Variants in RAPGEF5 observed in about 807,000 individuals in gnomAD.
RAPGEF5 encodes Rap guanine nucleotide exchange factor 5.
RAPGEF5 carries 65 observed loss-of-function variants against 125.2 expected under a neutral mutation model. The ratio of observed to expected loss-of-function variants is 0.52; its 90% CI spans 0.43 to 0.64. The LOEUF (loss-of-function observed/expected upper bound fraction) is 0.64. Ranked by LOEUF, RAPGEF5 falls within the 30% of genes least tolerant of loss-of-function variation. RAPGEF5 has a pLI of 0.00. For missense variants in RAPGEF5, 958 were observed against 1,048.1 expected, an observed-to-expected ratio of 0.91 and a Z score of 1.19; for synonymous variants, 391 against 385.9, an observed-to-expected ratio of 1.01 and a Z score of -0.16.
chr7:22,318,014 A>T lies in RAPGEF5; in HGVS notation c.255T>A (p.Asn85Lys). ...GGRTLSRRIS[N>K]PYLEHTPSQI... ...GGGAAGGCGTATGTTCAAGGTACGG[A>T]TTAGATATTCTTCTTGATAGAGTCT... is the stretch of plus-strand genomic sequence containing the variant. Residue 85 changes from asparagine to lysine, a missense_variant, in exon 2 of 26, where the codon AAT (asparagine) becomes AAA (lysine). By Grantham distance (94) the Asn-to-Lys change is moderately conservative. Transcript: ENST00000665637. The T allele has an allele frequency of 6.5e-7, 1 of 1,545,822 alleles. No homozygotes were observed. Among genetic ancestry groups the T allele is most frequent in the Non-Finnish European group, 8.7e-7 (1 of 1,145,670 alleles).
At chr7:22,140,890 C>T (rs1046871445) in intron 20 of RAPGEF5, among the ~76,000 whole-genome samples, 5 of 152,144 alleles carry the variant, frequency 3.3e-5, no homozygotes, top group African/African-American at 1.2e-4. Flanking sequence ...TAGAAAACAA[C>T]CTCTCTGAGA....
intron 7 of RAPGEF5, among the ~76,000 whole-genome samples, chr7:22,248,131 A>AT (rs965950010): frequency 2.7e-4 from 41 of 152,046 alleles, no homozygotes; most frequent in African/African-American, 9.4e-4. Context: ...TAAAGTTGAA[A>AT]TTTTTTTTTA....
intron 25 of RAPGEF5, among the ~76,000 whole-genome samples, chr7:22,124,958 T>C (rs560757198): frequency 6.6e-6 from 1 of 152,326 alleles, no homozygotes; most frequent in East Asian, 1.9e-4. Context: ...TGAAAGCTCC[T>C]TCAACTCAAT....
rs1298751601 is a variant in RAPGEF5 at position 22,118,668 on chromosome 7, C to T, written c.*3738G>A. 2.0e-5 allele frequency: 3 copies of T among 152,562 alleles called. No individual in the cohort carries two copies. The highest frequency in any genetic ancestry group is 4.4e-5 in the Non-Finnish European group (3 of 68,032). 9.5% of individuals were successfully genotyped at this position (152,562 alleles called of 1,614,324 possible). A position where few individuals can be genotyped will look rare whatever the true frequency, so the allele number is the denominator to read the frequency against. On this transcript the variant is annotated 3_prime_UTR_variant, in exon 26 of 26. Coordinates refer to ENST00000665637, the MANE Select transcript of RAPGEF5 (RefSeq NM_012294.5). ...GTTCTCTATCTTCTAATTGTTAATG[C>T]AAGCTGACAATATCACAGCAGCCCT...
chr7:22,318,137 TG>T, intron 1 of RAPGEF5, 100 bp from the exon 2 acceptor site: 36 of 1,068,600 alleles, frequency 3.4e-5, no homozygotes, highest in South Asian at 4.5e-5. Context: ...GCCTCTGCTA[TG>T]AAAAAAAAAA....
intron 1 of RAPGEF5, among the ~76,000 whole-genome samples, chr7:22,341,311 C>G (rs1167013742): frequency 6.6e-6 from 1 of 152,178 alleles, no homozygotes; most frequent in East Asian, 1.9e-4. Flanking sequence ...CAGGAAAGAT[C>G]TGCCCTGTGA....
chr7:22,285,147 C>T (rs963051064), intron 6 of RAPGEF5, among the ~76,000 whole-genome samples: 2 of 152,284 alleles, frequency 1.3e-5, no homozygotes, highest in Middle Eastern at 3.4e-3. Flanking sequence ...CCGGGAGCCG[C>T]GGCTCACAGC....
chr7:22,270,869 G>C (rs1469517795), intron 6 of RAPGEF5, among the ~76,000 whole-genome samples: 1 of 152,174 alleles, frequency 6.6e-6, no homozygotes, highest in African/African-American at 2.4e-5. Context: ...AGGAAGACTA[G>C]AAAAAGCCTA....
chr7:22,289,923 C>G (rs1034646795), intron 6 of RAPGEF5, among the ~76,000 whole-genome samples: 4 of 152,168 alleles, frequency 2.6e-5, no homozygotes, highest in African/African-American at 9.7e-5. Context: ...GCAAGACGTA[C>G]CTGGTTCCCC....
At chr7:22,277,712 T>C (rs936747007) in intron 6 of RAPGEF5, among the ~76,000 whole-genome samples, 8 of 152,300 alleles carry the variant, frequency 5.3e-5, no homozygotes, top group Non-Finnish European at 1.2e-4. Flanking sequence ...TTCTGGTTTT[T>C]GCACATGGGC....
intron 1 of RAPGEF5, among the ~76,000 whole-genome samples, chr7:22,334,090 C>T (rs1448100016): frequency 6.6e-5 from 10 of 152,242 alleles, no homozygotes; most frequent in Non-Finnish European, 1.2e-4. Flanking sequence ...CTGCCTACAG[C>T]GCCCCGAGTG....
intron 5 of RAPGEF5, among the ~76,000 whole-genome samples, chr7:22,299,364 G>C (rs1031236081): frequency 1.4e-4 from 21 of 151,940 alleles, no homozygotes; most frequent in African/African-American, 5.1e-4. Flanking sequence ...TTTCCAAATA[G>C]TAGATTTTAC....
chr7:22,340,184 C>G (rs1329023270), intron 1 of RAPGEF5, among the ~76,000 whole-genome samples: 1 of 152,104 alleles, frequency 6.6e-6, no homozygotes. Context: ...GATGAAGAAA[C>G]AGGAGTGCTG....
intron 6 of RAPGEF5, among the ~76,000 whole-genome samples, chr7:22,278,697 C>T (rs1782611197): frequency 6.7e-6 from 1 of 150,042 alleles, no homozygotes; most frequent in Admixed American, 6.7e-5. Context: ...CACAGAATTG[C>T]AGGCCAGAAA....
rs1234724313 is a variant in RAPGEF5, at chr7:22,154,573, G to A, written c.1668C>T (p.Ser556=). The A allele has an allele frequency of 1.1e-5, 17 of 1,613,666 alleles. No homozygotes were observed. Among genetic ancestry groups the A allele is most frequent in the African/African-American group, 5.3e-5 (4 of 74,902 alleles). ...IFCHVYITEH[S]YVSVKAKVSS... ...AAACTTTTGCCTTCACACTGACATA[G>A]GAGTGCTCTGTTATATACACGTGGC... The change falls in exon 17 of 26, where the codon TCC becomes TCT. Residue 556 remains serine (S), a synonymous_variant. Transcript: ENST00000665637.
chr7:22,188,122 G>A (rs532819245), intron 11 of RAPGEF5, among the ~76,000 whole-genome samples: 3 of 152,196 alleles, frequency 2.0e-5, no homozygotes, highest in Non-Finnish European at 2.9e-5. Context: ...AAGACTTACC[G>A]CCATCTAAAT....
chr7:22,317,234 T>A (rs993992557), intron 2 of RAPGEF5, among the ~76,000 whole-genome samples: 22 of 144,818 alleles, frequency 1.5e-4, no homozygotes, highest in Middle Eastern at 3.5e-3. Context: ...AAATGCAACT[T>A]TTTTTTTCTT....
chr7:22,249,879 T>C (rs1039405138), intron 7 of RAPGEF5, among the ~76,000 whole-genome samples: 1 of 152,190 alleles, frequency 6.6e-6, no homozygotes, highest in Non-Finnish European at 1.5e-5. Context: ...CCTCAGTCTA[T>C]ACTTAAATAA....
At chr7:22,176,146 C>T (rs1224253625) in intron 11 of RAPGEF5, among the ~76,000 whole-genome samples, 2 of 152,066 alleles carry the variant, frequency 1.3e-5, no homozygotes, top group African/African-American at 2.4e-5. Flanking sequence ...GGCAAAACAG[C>T]GTGTGCGGGG....
Sources: allele counts gnomAD v4.1 joint callset (sites outside exome capture counted in the v4.1 genomes callset), GRCh38; gene constraint gnomAD v4.1.1; transcripts MANE v1.5; gene names NCBI Gene and HGNC (gene_info 2026-07-23, HGNC 2026-07-21).